The following OTUD7A variants were observed in gnomAD, a reference collection of about 807,000 sequenced individuals.
OTUD7A encodes OTU domain-containing protein 7A.
Under a neutral mutation model 65.7 loss-of-function variants are expected in OTUD7A, and 12 were observed. That is an observed-to-expected ratio of 0.18 (90% confidence interval 0.12 to 0.30). The LOEUF is 0.30. Ranked by LOEUF, OTUD7A falls within the 10% of genes least tolerant of loss-of-function variation. The probability of loss-of-function intolerance (pLI) is 1.00; values close to 1 mark genes in which losing one functional copy is unlikely to be tolerated. For missense variants in OTUD7A, 1,148 were observed against 1,304.8 expected, an observed-to-expected ratio of 0.88 and a Z score of 1.85; for synonymous variants, 641 against 586.3, an observed-to-expected ratio of 1.09 and a Z score of -1.35.
At chr15:31,639,466 C>T (rs60775467) in intron 3 of OTUD7A, among the ~76,000 whole-genome samples, 31,570 of 134,088 alleles carry the variant, frequency 0.24, 4,764 homozygotes, top group African/African-American at 0.4. Context: ...CTAAGAATGC[C>T]AAAAACATCT....
intron 1 of OTUD7A, among the ~76,000 whole-genome samples, chr15:31,819,210 A>C (rs1896621115): frequency 6.6e-6 from 1 of 152,248 alleles, no homozygotes; most frequent in African/African-American, 2.4e-5. Context: ...AATTGCTGTT[A>C]TAAATCACAA....
chr15:31,521,809 A>G (rs991321236), intron 8 of OTUD7A, among the ~76,000 whole-genome samples: 5 of 152,220 alleles, frequency 3.3e-5, no homozygotes, highest in Non-Finnish European at 7.3e-5. Context: ...TAGACAGAAG[A>G]TGCCCCCGGG....
At chr15:31,679,325 G>A (rs905367111) in intron 1 of OTUD7A, among the ~76,000 whole-genome samples, 2 of 152,120 alleles carry the variant, frequency 1.3e-5, no homozygotes, top group African/African-American at 4.8e-5. Flanking sequence ...GACTTTGGGG[G>A]ACTGTTGGAA....
At chr15:31,694,940 G>A (rs979348763) in intron 1 of OTUD7A, among the ~76,000 whole-genome samples, 1 of 151,938 alleles carries the variant, frequency 6.6e-6, no homozygotes, top group Non-Finnish European at 1.5e-5. Flanking sequence ...CCGCCTGCTG[G>A]GTTCACGTCA....
intron 1 of OTUD7A, among the ~76,000 whole-genome samples, chr15:31,747,639 C>G (rs573569924): frequency 6.6e-6 from 1 of 152,226 alleles, no homozygotes; most frequent in African/African-American, 2.4e-5. Context: ...CTCTTACATA[C>G]AGAAGAATGC....
At chr15:31,665,159 T>C (rs1892285126) in intron 1 of OTUD7A, among the ~76,000 whole-genome samples, 1 of 152,200 alleles carries the variant, frequency 6.6e-6, no homozygotes, top group South Asian at 2.1e-4. Context: ...TTTGGTTCCA[T>C]ACGAATTTTA....
At chr15:31,862,470 T>TA (rs1296186386) in intron 1 of OTUD7A, among the ~76,000 whole-genome samples, 1 of 152,168 alleles carries the variant, frequency 6.6e-6, no homozygotes, top group African/African-American at 2.4e-5. Context: ...TAATTGGACT[T>TA]ACAGTTCCAC....
chr15:31,802,089 A>ATG (rs1567030951), intron 1 of OTUD7A, among the ~76,000 whole-genome samples: 8 of 121,914 alleles, frequency 6.6e-5, no homozygotes, highest in Non-Finnish European at 8.4e-5. Flanking sequence ...TGGAATATAT[A>ATG]TGTGTGTGTA....
At chr15:31,525,762 G>C (rs560403243) in intron 8 of OTUD7A, among the ~76,000 whole-genome samples, 1 of 152,378 alleles carries the variant, frequency 6.6e-6, no homozygotes, top group African/African-American at 2.4e-5. Context: ...TTCCATACTA[G>C]AACATCCAAG....
At chr15:31,657,571 T>C (rs34384422) in intron 1 of OTUD7A, among the ~76,000 whole-genome samples, 5 of 151,306 alleles carry the variant, frequency 3.3e-5, no homozygotes, top group South Asian at 4.2e-4. Flanking sequence ...CCATGTTAGC[T>C]AGGATGGTCT....
At position 31,479,152 on chromosome 15, in the gene OTUD7A, T is replaced by C. The variant is rs1415051590; in HGVS notation, c.*4142A>G. On this transcript the variant is annotated 3_prime_UTR_variant, in exon 13 of 13. Coordinates refer to ENST00000307050, the MANE Select transcript of OTUD7A (RefSeq NM_001382637.1). ...GGAAGGGGCCACCTGCTCCCTGGCA[T>C]GCCAGCCACCTCTAGGCCCTTCATA... 1 of 152,276 alleles carries C rather than the reference T, an allele frequency of 6.6e-6. No homozygotes were observed. The highest frequency in any genetic ancestry group is 1.5e-5 in the Non-Finnish European group (1 of 68,098). The allele number at this position is 152,276 out of a possible 1,614,324, so 9.4% of individuals were successfully genotyped here. A position where few individuals can be genotyped will look rare whatever the true frequency, so the allele number is the denominator to read the frequency against.
chr15:31,796,142 C>CGTGCGTGT (rs1555418458), intron 1 of OTUD7A, among the ~76,000 whole-genome samples: 1 of 148,020 alleles, frequency 6.8e-6, no homozygotes, highest in Non-Finnish European at 1.5e-5. Context: ...GTAAGGGGTG[C>CGTGCGTGT]GTGTGTGTGT....
chr15:31,494,667 C>T (rs1304755070), intron 10 of OTUD7A, among the ~76,000 whole-genome samples: 1 of 152,226 alleles, frequency 6.6e-6, no homozygotes, highest in Admixed American at 6.5e-5. Context: ...AGAGGGTGCA[C>T]TCTGTGCACA....
chr15:31,862,755 C>T lies in OTUD7A; in HGVS notation c.-100+7752G>A, dbSNP rs1257676438. ...AGGACACAGCCAAACCATATCATTA[C>T]GCCCCTGGCCCCTCCAAATTTCATG... On this transcript the variant is annotated intron_variant, in intron 1 of 12. Coordinates refer to ENST00000307050, the MANE Select transcript of OTUD7A (RefSeq NM_001382637.1). 5.3e-5 allele frequency among the ~76,000 whole-genome samples: 8 copies of T among 152,290 alleles called. No homozygotes were observed. The South Asian group carries it at 6.2e-4, about 12-fold the overall frequency.
At position 31,481,562 on chromosome 15, in the gene OTUD7A, T is replaced by A. The variant is rs1046605164; in HGVS notation, c.*1732A>T. The stretch of plus-strand genomic sequence containing the variant: ...CAGGAAAAGTAAAACTTTCAAAAAA[T>A]TTCTTAAAGATCCTATTTAATAAAT... On this transcript the variant is annotated 3_prime_UTR_variant, in exon 13 of 13. Coordinates refer to ENST00000307050, the MANE Select transcript of OTUD7A (RefSeq NM_001382637.1). 5 of 152,218 alleles carry A rather than the reference T, an allele frequency of 3.3e-5. No individual in the cohort carries two copies. Among genetic ancestry groups the A allele is most frequent in the African/African-American group, 1.2e-4 (5 of 41,450 alleles). 9.4% of individuals were successfully genotyped at this position (152,218 alleles called of 1,614,324 possible). A position where few individuals can be genotyped will look rare whatever the true frequency, so the allele number is the denominator to read the frequency against.
chr15:31,662,157 C>G (rs1892182648), intron 1 of OTUD7A, among the ~76,000 whole-genome samples: 1 of 152,198 alleles, frequency 6.6e-6, no homozygotes, highest in South Asian at 2.1e-4. Flanking sequence ...TTGCCTAGAC[C>G]CAGCAATTCA....
intron 4 of OTUD7A, among the ~76,000 whole-genome samples, chr15:31,561,915 A>C (rs1003437042): frequency 6.6e-5 from 10 of 152,244 alleles, no homozygotes; most frequent in African/African-American, 2.4e-4. Flanking sequence ...AAATACAGAA[A>C]GATTAGAAAA....
At chr15:31,485,766 C>G (rs2041227898) in intron 12 of OTUD7A, among the ~76,000 whole-genome samples, 1 of 152,206 alleles carries the variant, frequency 6.6e-6, no homozygotes, top group African/African-American at 2.4e-5. Flanking sequence ...AGGGGATGAG[C>G]CTGGGAGAAG....
At chr15:31,832,701 G>A (rs182869020) in intron 1 of OTUD7A, among the ~76,000 whole-genome samples, 2 of 152,274 alleles carry the variant, frequency 1.3e-5, no homozygotes, top group East Asian at 3.9e-4. Context: ...CATTTAGTAT[G>A]TGTTTTTTGT....
Sources: allele counts gnomAD v4.1 joint callset (sites outside exome capture counted in the v4.1 genomes callset), GRCh38; gene constraint gnomAD v4.1.1; transcripts MANE v1.5; gene names NCBI Gene and HGNC (gene_info 2026-07-23, HGNC 2026-07-21).